MMP16: variants seen among roughly 807,000 people sequenced by gnomAD.
The protein encoded by MMP16 is matrix metalloproteinase-16.
In MMP16, 12 loss-of-function variants were observed where a neutral mutation model predicts 67.8. That is an observed-to-expected ratio of 0.18 (90% CI 0.11 to 0.29). MMP16 has a LOEUF of 0.29. MMP16 is among the 10% of genes least tolerant of loss of function. MMP16 has a pLI of 1.00. For synonymous variants in MMP16, 249 were observed against 255.9 expected (o/e 0.97, Z 0.26); for missense variants, 475 against 765.7 (o/e 0.62, Z 4.48).
intron 1 of MMP16, among the ~76,000 whole-genome samples, chr8:88,294,919 G>T (rs930458749): frequency 6.6e-6 from 1 of 152,072 alleles, no homozygotes; most frequent in Admixed American, 6.6e-5. Context: ...CACCATGTTG[G>T]CCAGGCTGGC....
intron 1 of MMP16, among the ~76,000 whole-genome samples, chr8:88,274,517 T>C (rs1414160923): frequency 6.6e-6 from 1 of 152,034 alleles, no homozygotes; most frequent in Admixed American, 6.5e-5. Context: ...GTACTACAAT[T>C]AAATGTATTG....
intron 1 of MMP16, among the ~76,000 whole-genome samples, chr8:88,234,340 T>C (rs1809908053): frequency 6.6e-6 from 1 of 152,330 alleles, no homozygotes; most frequent in African/African-American, 2.4e-5. Context: ...TATTACTGCT[T>C]TCCTAAGAAT....
chr8:88,230,237 C>T (rs1464517039), intron 1 of MMP16, among the ~76,000 whole-genome samples: 2 of 152,090 alleles, frequency 1.3e-5, no homozygotes, highest in African/African-American at 4.8e-5. Flanking sequence ...GCAGATGCTG[C>T]TGGTCTAGGG....
chr8:88,273,248 C>CA (rs1554590570), intron 1 of MMP16, among the ~76,000 whole-genome samples: 3 of 132,320 alleles, frequency 2.3e-5, no homozygotes, highest in African/African-American at 8.3e-5. Context: ...CCATGCCTGG[C>CA]TTTTTTTTTT....
intron 7 of MMP16, among the ~76,000 whole-genome samples, chr8:88,060,036 A>G (rs952742229): frequency 1.3e-5 from 2 of 151,758 alleles, no homozygotes; most frequent in African/African-American, 2.4e-5. Flanking sequence ...GAGAGGGGCC[A>G]GCAGGCAAGT....
At position 88,041,627 on chromosome 8, in the gene MMP16, A is replaced by G; in HGVS notation, c.1658T>C (p.Ile553Thr). 1 of 1,614,128 alleles carries G rather than the reference A, an allele frequency of 6.2e-7. No homozygotes were observed. The highest frequency in any genetic ancestry group is 2.2e-5 in the East Asian group (1 of 44,878). Residue 553 changes from isoleucine to threonine, a missense_variant, in exon 10 of 10, where the codon ATC becomes ACC. By Grantham distance (89) the Ile-to-Thr change is moderately conservative (BLOSUM62 -1). Coordinates refer to ENST00000286614, the MANE Select transcript of MMP16 (RefSeq NM_005941.5). The surrounding 1 kb of genome is among the most constrained non-coding windows in gnomAD (Gnocchi z 6.0). ...AGTGCTGGCTGTGTTGTCCAGTTTG[A>G]TGACAATGTCTACATCATCTGGTGG... ...HSPPDDVDIVIKLDNTASTVK... is the reference protein window; with the variant it reads ...HSPPDDVDIVTKLDNTASTVK...
intron 1 of MMP16, among the ~76,000 whole-genome samples, chr8:88,250,709 A>C (rs1810196720): frequency 6.6e-6 from 1 of 151,886 alleles, no homozygotes; most frequent in Non-Finnish European, 1.5e-5. Context: ...AATTTACCAA[A>C]GTAGCCCTCA....
intron 6 of MMP16, among the ~76,000 whole-genome samples, chr8:88,109,030 A>G (rs1294972559): frequency 1.3e-5 from 2 of 151,378 alleles, no homozygotes; most frequent in Non-Finnish European, 3.0e-5. Context: ...GAAGAACAAG[A>G]CAATCAAGAA....
intron 4 of MMP16, among the ~76,000 whole-genome samples, chr8:88,148,693 T>C (rs571755080): frequency 6.6e-6 from 1 of 152,176 alleles, no homozygotes; most frequent in South Asian, 2.1e-4. Context: ...TGTCAAAATA[T>C]TCAATAAAAA....
At position 88,107,713 on chromosome 8, in the gene MMP16, G is replaced by C. The variant is rs535861828; in HGVS notation, c.1083+8794C>G. On this transcript the variant is annotated intron_variant, in intron 6 of 9. Transcript: ENST00000286614. ...ACATTTCTTTACAAGTGTAGCCCTA[G>C]ATGTTTTATTTTATATTGCTATTGT... is the stretch of plus-strand genomic sequence containing the variant. Among the ~76,000 whole-genome samples, 19 of 151,138 alleles carry C rather than the reference G, an allele frequency of 1.3e-4. No individual in the cohort carries two copies. In the South Asian group the frequency reaches 3.9e-3, roughly 31 times the overall value.
chr8:88,081,099 G>C (rs978987264), intron 6 of MMP16, among the ~76,000 whole-genome samples: 1 of 152,044 alleles, frequency 6.6e-6, no homozygotes, highest in African/African-American at 2.4e-5. Context: ...AGGCAGCAGT[G>C]AACAGGTAGC....
At chr8:88,176,256 T>C (rs1715798215) in intron 3 of MMP16, among the ~76,000 whole-genome samples, 1 of 152,222 alleles carries the variant, frequency 6.6e-6, no homozygotes, top group Non-Finnish European at 1.5e-5. Context: ...GACACAAACA[T>C]AATTACTTGT....
chr8:88,252,149 T>C (rs1281518873), intron 1 of MMP16, among the ~76,000 whole-genome samples: 3 of 147,856 alleles, frequency 2.0e-5, no homozygotes, highest in East Asian at 2.0e-4. Context: ...ACTGGGTATA[T>C]ACCCAAAGGA....
chr8:88,264,720 C>T (rs1810447303), intron 1 of MMP16, among the ~76,000 whole-genome samples: 1 of 152,170 alleles, frequency 6.6e-6, no homozygotes, highest in Non-Finnish European at 1.5e-5. Context: ...GCCTTGGGCA[C>T]AGCACATACA....
chr8:88,045,655 A>G (rs1808190380), intron 9 of MMP16, among the ~76,000 whole-genome samples: 2 of 152,164 alleles, frequency 1.3e-5, no homozygotes, highest in African/African-American at 4.8e-5. Flanking sequence ...CTGCCAGTGT[A>G]GAGTTTTCTT....
intron 7 of MMP16, among the ~76,000 whole-genome samples, chr8:88,064,141 C>T (rs1020218994): frequency 3.6e-4 from 55 of 152,164 alleles, no homozygotes; most frequent in Middle Eastern, 3.4e-3. Context: ...TTTTACCTTG[C>T]AATGAAAGAG....
chr8:88,237,447 A>C (rs1483215210), intron 1 of MMP16, among the ~76,000 whole-genome samples: 1 of 152,092 alleles, frequency 6.6e-6, no homozygotes, highest in Non-Finnish European at 1.5e-5. Context: ...CAGGAGACTG[A>C]GACCATCTTG....
chr8:88,169,017 A>G (rs577097529), intron 3 of MMP16, among the ~76,000 whole-genome samples: 10 of 152,256 alleles, frequency 6.6e-5, no homozygotes, highest in Non-Finnish European at 1.5e-4. Context: ...GATAAATAAA[A>G]TATTTAATTA....
At chr8:88,269,402 C>A (rs562210499) in intron 1 of MMP16, among the ~76,000 whole-genome samples, 2 of 152,202 alleles carry the variant, frequency 1.3e-5, no homozygotes, top group Admixed American at 6.5e-5. Flanking sequence ...AATATCTTCA[C>A]AGAGCCATAA....
Sources: allele counts gnomAD v4.1 joint callset (sites outside exome capture counted in the v4.1 genomes callset), GRCh38; gene constraint gnomAD v4.1.1; non-coding constraint Gnocchi (gnomAD v3.1); transcripts MANE v1.5; gene names NCBI Gene and HGNC (gene_info 2026-07-23, HGNC 2026-07-21).